Variants in PPARGC1A observed in about 807,000 individuals in gnomAD.
The protein encoded by PPARGC1A is PPARG coactivator 1 alpha, also known as peroxisome proliferator-activated receptor gamma coactivator 1-alpha.
In PPARGC1A, 25 loss-of-function variants were observed where a neutral mutation model predicts 88.7. That is an observed-to-expected ratio of 0.28 (90% confidence interval 0.21 to 0.39). The LOEUF (loss-of-function observed/expected upper bound fraction) is 0.39. PPARGC1A is among the 10% of genes least tolerant of loss of function. PPARGC1A has a pLI of 1.00. For missense variants in PPARGC1A, 880 were observed against 968.7 expected (o/e 0.91, Z 1.22); for synonymous variants, 363 against 355.6 (o/e 1.02, Z -0.24).
the PPARGC1A span, among the ~76,000 whole-genome samples, chr4:24,345,994 T>C: frequency 1.3e-5 from 2 of 152,232 alleles, no homozygotes; most frequent in African/African-American, 2.4e-5. Flanking sequence ...CATAAAGTGA[T>C]GCTGGATTTT....
the PPARGC1A span, among the ~76,000 whole-genome samples, chr4:24,078,156 C>T: frequency 1.3e-5 from 2 of 151,956 alleles, no homozygotes; most frequent in African/African-American, 4.8e-5. Context: ...AGAGGCCTTC[C>T]AAGAATGGTC....
chr4:23,899,044 G>A (rs1161221371), intron 1 of PPARGC1A, among the ~76,000 whole-genome samples: 1 of 145,380 alleles, frequency 6.9e-6, no homozygotes, highest in Non-Finnish European at 1.5e-5. Context: ...GTTTCACCAT[G>A]TTGGTCAGGC....
the PPARGC1A span, among the ~76,000 whole-genome samples, chr4:24,059,537 T>C: frequency 6.6e-6 from 1 of 152,158 alleles, no homozygotes; most frequent in African/African-American, 2.4e-5. Flanking sequence ...GTGCGTGAGA[T>C]AGCCAAGGAG....
the PPARGC1A span, among the ~76,000 whole-genome samples, chr4:23,964,884 T>C: frequency 6.6e-6 from 1 of 152,152 alleles, no homozygotes; most frequent in Admixed American, 6.6e-5. Flanking sequence ...TTAAACTGTG[T>C]TTTTCTAATT....
At chr4:23,885,186 TTC>T (rs2148835374) in intron 1 of PPARGC1A, among the ~76,000 whole-genome samples, 1 of 152,316 alleles carries the variant, frequency 6.6e-6, no homozygotes, top group Admixed American at 6.5e-5. Flanking sequence ...CCACGAAGCT[TTC>T]TCTGATTCTT....
At chr4:24,260,535 G>C in the PPARGC1A span, among the ~76,000 whole-genome samples, 1 of 152,176 alleles carries the variant, frequency 6.6e-6, no homozygotes, top group Non-Finnish European at 1.5e-5. Context: ...ATCAACATGG[G>C]AATCGCTAAT....
the PPARGC1A span, among the ~76,000 whole-genome samples, chr4:24,194,660 ACACACACACC>A: frequency 3.7e-5 from 1 of 27,082 alleles, no homozygotes; most frequent in African/African-American, 9.8e-5. Flanking sequence ...ACACACACAC[ACACACACACC>A]CCCATCAAGA....
At chr4:24,430,006 C>T in the PPARGC1A span, among the ~76,000 whole-genome samples, 1 of 152,026 alleles carries the variant, frequency 6.6e-6, no homozygotes, top group Non-Finnish European at 1.5e-5. Context: ...GAGATCCAGT[C>T]CTGGTCCTAT....
At chr4:24,360,438 C>T in the PPARGC1A span, among the ~76,000 whole-genome samples, 1 of 152,156 alleles carries the variant, frequency 6.6e-6, no homozygotes, top group Non-Finnish European at 1.5e-5. Context: ...GCACCACTCC[C>T]TCATCCTGTC....
the PPARGC1A span, among the ~76,000 whole-genome samples, chr4:24,197,235 C>T: frequency 6.6e-6 from 1 of 152,190 alleles, no homozygotes; most frequent in Admixed American, 6.5e-5. Flanking sequence ...TTGCTATTTT[C>T]CAGGGCATGA....
the PPARGC1A span, among the ~76,000 whole-genome samples, chr4:24,091,908 C>T: frequency 6.9e-6 from 1 of 144,780 alleles, no homozygotes; most frequent in Admixed American, 7.1e-5. Context: ...ATGTGTGCTC[C>T]CGTCTTCTCC....
the PPARGC1A span, among the ~76,000 whole-genome samples, chr4:23,950,234 G>A: frequency 6.6e-6 from 1 of 152,092 alleles, no homozygotes; most frequent in African/African-American, 2.4e-5. Flanking sequence ...CGTTGATAGA[G>A]TGTTCTCTTG....
the PPARGC1A span, among the ~76,000 whole-genome samples, chr4:24,155,253 T>C: frequency 6.6e-6 from 1 of 151,900 alleles, no homozygotes; most frequent in Non-Finnish European, 1.5e-5. Context: ...GATCTTAAGG[T>C]GCATTTGAGA....
the PPARGC1A span, among the ~76,000 whole-genome samples, chr4:23,990,641 T>G: frequency 6.6e-6 from 1 of 151,920 alleles, no homozygotes; most frequent in Admixed American, 6.6e-5. Context: ...ACTGAGTTAG[T>G]GCACTCAGGT....
the PPARGC1A span, among the ~76,000 whole-genome samples, chr4:23,924,622 G>C: frequency 6.6e-6 from 1 of 152,014 alleles, no homozygotes; most frequent in Non-Finnish European, 1.5e-5. Context: ...ACTCCATCTC[G>C]AAAAAACTTT....
At chr4:24,094,678 T>G in the PPARGC1A span, among the ~76,000 whole-genome samples, 1 of 152,212 alleles carries the variant, frequency 6.6e-6, no homozygotes, top group Non-Finnish European at 1.5e-5. Flanking sequence ...TAGCTCTATA[T>G]GAATTCAATG....
the PPARGC1A span, among the ~76,000 whole-genome samples, chr4:24,123,919 A>AAAAAC: frequency 1.3e-5 from 2 of 151,214 alleles, no homozygotes; most frequent in Non-Finnish European, 2.9e-5. Context: ...GCAAAAAAAA[A>AAAAAC]AAAAAACAAA....
At chr4:23,961,769 C>T in the PPARGC1A span, among the ~76,000 whole-genome samples, 1 of 152,202 alleles carries the variant, frequency 6.6e-6, no homozygotes, top group South Asian at 2.1e-4. Flanking sequence ...CCATGTTCTT[C>T]GCCTCCCACA....
the PPARGC1A span, among the ~76,000 whole-genome samples, chr4:24,378,347 A>C: frequency 6.6e-6 from 1 of 152,156 alleles, no homozygotes; most frequent in Non-Finnish European, 1.5e-5. Flanking sequence ...AAAATAAATA[A>C]ATAAACAAAT....
Sources: allele counts gnomAD v4.1 joint callset (sites outside exome capture counted in the v4.1 genomes callset), GRCh38; gene constraint gnomAD v4.1.1; transcripts MANE v1.5; gene names NCBI Gene and HGNC (gene_info 2026-07-23, HGNC 2026-07-21).